WNT2B: variants seen among roughly 807,000 people sequenced by gnomAD.
WNT2B encodes the protein Wnt family member 2B.
Under a neutral mutation model 40.5 loss-of-function variants are expected in WNT2B, and 19 were observed. That is an observed-to-expected ratio of 0.47 (90% CI 0.33 to 0.69). WNT2B has a LOEUF of 0.69. WNT2B is among the 30% of genes least tolerant of loss of function. WNT2B has a pLI of 0.02. For missense variants in WNT2B, 467 were observed against 556.4 expected, an observed-to-expected ratio of 0.84 and a Z score of 1.62; for synonymous variants, 220 against 211.9, an observed-to-expected ratio of 1.04 and a Z score of -0.33.
rs893470047 is a variant in WNT2B at position 112,515,762 on chromosome 1, G to C, written c.404-378G>C. On this transcript the variant is annotated intron_variant, in intron 2 of 4. Coordinates refer to ENST00000369684, the MANE Select transcript of WNT2B (RefSeq NM_024494.3). The surrounding 1 kb of genome is among the most constrained non-coding windows in gnomAD (Gnocchi z 4.4). ...TGTGGGGGAACTGTCCAGCAGAGTG[G>C]GCCTGAAAAGGCCTGGAATGTGGAC... 2.0e-5 allele frequency among the ~76,000 whole-genome samples: 3 copies of C among 152,204 alleles called. No individual in the cohort carries two copies. Among genetic ancestry groups the C allele is most frequent in the Admixed American group, 2.0e-4 (3 of 15,276 alleles).
At chr1:112,474,697 A>T (rs1249878690) in intron 1 of WNT2B, among the ~76,000 whole-genome samples, 1 of 152,204 alleles carries the variant, frequency 6.6e-6, no homozygotes, top group Non-Finnish European at 1.5e-5. Flanking sequence ...GGATCGTGTT[A>T]TGGTTTCAAT....
rs3762334 is a variant in WNT2B, at chr1:112,522,008, T to A, written c.*1499T>A. On this transcript the variant is annotated 3_prime_UTR_variant, in exon 5 of 5. Coordinates refer to ENST00000369684, the MANE Select transcript of WNT2B (RefSeq NM_024494.3). ...TATTTTCTCATCTGTAAAATGAGGA[T>A]ACGTACCTGTTCTTTTTTTTCTTTC... is the stretch of plus-strand genomic sequence containing the variant. 6.6e-6 allele frequency: 1 copy of A among 152,330 alleles called. No individual in the cohort carries two copies. Among genetic ancestry groups the A allele is most frequent in the African/African-American group, 2.4e-5 (1 of 41,564 alleles). 9.4% of individuals were successfully genotyped at this position (152,330 alleles called of 1,614,324 possible).
chr1:112,484,246 C>CATATATATATACACATATATATACACAT (rs1354872917), intron 1 of WNT2B, among the ~76,000 whole-genome samples: 14 of 116,656 alleles, frequency 1.2e-4, no homozygotes, highest in African/African-American at 5.4e-4. Context: ...TATATATACA[C>CATATATATATACACATATATATACACAT]ATATATATAC....
At chr1:112,505,942 A>C (rs1652092305), upstream of WNT2B, among the ~76,000 whole-genome samples, 1 of 152,116 alleles carries the variant, frequency 6.6e-6, no homozygotes, top group Non-Finnish European at 1.5e-5. Context: ...AGAGCTGCTG[A>C]TGTTTCTGGC....
rs1652264458 is a variant in WNT2B, at chr1:112,509,444, G to T, written c.182G>T (p.Trp61Leu). ...CCGGCCCGCGTAGACACGTCCTGGTGGTAAGTGTGGCTCTCAGGCTGGGCG... is the reference window on the plus strand; with the variant it reads ...CCGGCCCGCGTAGACACGTCCTGGTTGTAAGTGTGGCTCTCAGGCTGGGCG... ...TLPARVDTSW[W>L]YIGALGARVI... is the part of the protein sequence containing the mutation. Residue 61 changes from tryptophan to leucine, a missense_variant and splice_region_variant, in exon 1 of 5, where the codon TGG becomes TTG. Coordinates refer to ENST00000369684, the MANE Select transcript of WNT2B (RefSeq NM_024494.3). This position sits in a 1 kb window ranked among gnomAD's most constrained non-coding sequence, Gnocchi z 4.2. 3 of 1,585,264 alleles carry T rather than the reference G, an allele frequency of 1.9e-6. No individual in the cohort carries two copies. The highest frequency in any genetic ancestry group is 1.7e-6 in the Non-Finnish European group (2 of 1,173,748).
intron 1 of WNT2B, among the ~76,000 whole-genome samples, chr1:112,483,209 CACACACACACACATAT>C (rs771021237): frequency 4.0e-4 from 39 of 97,408 alleles, no homozygotes; most frequent in South Asian, 1.7e-3. Context: ...CACACACACA[CACACACACACACATAT>C]ACACACACAC....
chr1:112,478,909 C>T lies in WNT2B; in HGVS notation c.-95+11318C>T, dbSNP rs192463029. Among the ~76,000 whole-genome samples, 99 of 151,710 alleles carry T rather than the reference C, an allele frequency of 6.5e-4. 1 individual carries two copies. Among genetic ancestry groups the T allele is most frequent in the African/African-American group, 2.3e-3 (94 of 41,330 alleles). On this transcript the variant is annotated intron_variant, in intron 1 of 4. Coordinates refer to the WNT2B transcript ENST00000256640. ...CAGCACTCTAGCTTGGGCAACAGAG[C>T]AAGATTCTGTCTATAAAAATAAAAC...
intron 1 of WNT2B, among the ~76,000 whole-genome samples, chr1:112,479,050 G>A (rs1651136690): frequency 6.6e-6 from 1 of 151,862 alleles, no homozygotes; most frequent in Non-Finnish European, 1.5e-5. Context: ...GTGAAACCTT[G>A]TCTCTACTAA....
intron 1 of WNT2B, among the ~76,000 whole-genome samples, chr1:112,513,028 C>G (rs1028930506): frequency 6.6e-6 from 1 of 152,120 alleles, no homozygotes; most frequent in Admixed American, 6.5e-5. Flanking sequence ...GGACTTGTTG[C>G]CCGAGTTTGG....
intron 1 of WNT2B, among the ~76,000 whole-genome samples, chr1:112,479,389 C>A (rs1373586562): frequency 6.6e-6 from 1 of 151,764 alleles, no homozygotes; most frequent in African/African-American, 2.4e-5. Context: ...GCCTGGCCAA[C>A]ATGGTGAAAC....
At chr1:112,504,617 G>A (rs966743232), upstream of WNT2B, among the ~76,000 whole-genome samples, 2 of 152,166 alleles carry the variant, frequency 1.3e-5, no homozygotes, top group African/African-American at 4.8e-5. Flanking sequence ...ACACCTGCAT[G>A]GGGTGGCAGG....
chr1:112,503,274 T>C (rs1445091574), intron 1 of WNT2B, among the ~76,000 whole-genome samples: 1 of 152,086 alleles, frequency 6.6e-6, no homozygotes. Flanking sequence ...CAGAAGGAAC[T>C]AGATCTCTAC....
chr1:112,491,467 T>A (rs1557912474), intron 1 of WNT2B, among the ~76,000 whole-genome samples: 1 of 152,128 alleles, frequency 6.6e-6, no homozygotes, highest in East Asian at 1.9e-4. Context: ...AAGAACATGT[T>A]GAACTGTTCA....
At chr1:112,471,126 G>T (rs896426941) in intron 1 of WNT2B, among the ~76,000 whole-genome samples, 2 of 152,206 alleles carry the variant, frequency 1.3e-5, no homozygotes, top group Non-Finnish European at 2.9e-5. Flanking sequence ...GGTTCCCAGG[G>T]CAGGATGCAG....
At chr1:112,483,828 C>A (rs561132115) in intron 1 of WNT2B, among the ~76,000 whole-genome samples, 1 of 147,414 alleles carries the variant, frequency 6.8e-6, no homozygotes, top group East Asian at 2.0e-4. Flanking sequence ...AAATAAATAA[C>A]CCTACTTTAA....
intron 1 of WNT2B, among the ~76,000 whole-genome samples, chr1:112,468,350 A>G (rs182057558): frequency 1.3e-5 from 2 of 152,186 alleles, no homozygotes; most frequent in African/African-American, 4.8e-5. Context: ...TGGTAGTTCT[A>G]TTTTTAGGTT....
chr1:112,513,566 CAG>C (rs1178054333), intron 1 of WNT2B, among the ~76,000 whole-genome samples: 8 of 152,014 alleles, frequency 5.3e-5, no homozygotes, highest in African/African-American at 1.9e-4. Context: ...GGGGGGGACA[CAG>C]AGCCCAGGGC....
chr1:112,483,799 G>T (rs150109286), intron 1 of WNT2B, among the ~76,000 whole-genome samples: 1,610 of 147,450 alleles, frequency 0.011, 27 homozygotes, highest in African/African-American at 0.038. Flanking sequence ...AAAAGAAAGA[G>T]AGAATAAATT....
chr1:112,515,998 C>G lies in WNT2B; in HGVS notation c.404-142C>G. The G allele has an allele frequency of 9.5e-7, 1 of 1,047,790 alleles. No individual in the cohort carries two copies. 64.9% of individuals were successfully genotyped at this position (1,047,790 alleles called of 1,614,324 possible). A position where few individuals can be genotyped will look rare whatever the true frequency, so the allele number is the denominator to read the frequency against. ...GGGGAATGCTCTTGGAAATGAAAGGCACCTTGAATAAAGGGGGTGTAGGGG... is the reference window on the plus strand; with the variant it reads ...GGGGAATGCTCTTGGAAATGAAAGGGACCTTGAATAAAGGGGGTGTAGGGG... On this transcript the variant is annotated intron_variant, in intron 2 of 4. Transcript: ENST00000369684. The surrounding 1 kb of genome is among the most constrained non-coding windows in gnomAD (Gnocchi z 4.4).
Sources: gnomAD v4.1 joint callset for allele counts (sites outside exome capture counted in the v4.1 genomes callset) on GRCh38, gnomAD v4.1.1 for gene constraint, Gnocchi (gnomAD v3.1) non-coding constraint, MANE v1.5 for transcripts, NCBI Gene and HGNC (gene_info 2026-07-23, HGNC 2026-07-21) for gene names.